Variants in CTNNA2 observed in about 807,000 individuals in gnomAD.
CTNNA2 encodes the protein catenin alpha 2, also known as catenin alpha-2.
CTNNA2 carries 42 observed loss-of-function variants against 101.0 expected under a neutral mutation model. The ratio of observed to expected loss-of-function variants is 0.42; its 90% CI spans 0.32 to 0.54. CTNNA2 has a LOEUF of 0.54. Ranked by LOEUF, CTNNA2 falls within the 20% of genes least tolerant of loss-of-function variation. The pLI, the probability that CTNNA2 is intolerant of heterozygous loss-of-function variation, is 0.14. For synonymous variants in CTNNA2, 450 were observed against 456.4 expected (o/e 0.99, Z 0.18); for missense variants, 871 against 1,223.1 (o/e 0.71, Z 4.29).
chr2:79,398,343 A>T (rs943757656), intron 4 of CTNNA2, among the ~76,000 whole-genome samples: 5 of 152,130 alleles, frequency 3.3e-5, no homozygotes, highest in African/African-American at 9.7e-5. Context: ...CCTACCATAT[A>T]AAGCATGATT....
intron 2 of CTNNA2, among the ~76,000 whole-genome samples, chr2:79,706,975 T>G (rs1218187619): frequency 6.6e-6 from 1 of 152,184 alleles, no homozygotes; most frequent in Non-Finnish European, 1.5e-5. Flanking sequence ...CAAAGGAAAT[T>G]TGGTGCAAAT....
chr2:80,416,033 A>G (rs1020782212), intron 8 of CTNNA2, among the ~76,000 whole-genome samples: 2 of 152,104 alleles, frequency 1.3e-5, no homozygotes, highest in African/African-American at 2.4e-5. Flanking sequence ...AAAGTAAGCC[A>G]GTGGTTGCTA....
At chr2:80,367,086 G>C (rs145624660) in intron 7 of CTNNA2, among the ~76,000 whole-genome samples, 22 of 152,052 alleles carry the variant, frequency 1.4e-4, no homozygotes, top group African/African-American at 5.1e-4. Context: ...AGAGCAGGGG[G>C]ATGACTTTGA....
chr2:79,691,789 A>G lies in CTNNA2; in HGVS notation c.102+40131A>G, dbSNP rs111582879. On this transcript the variant is annotated intron_variant, in intron 2 of 18. Coordinates refer to ENST00000402739, the MANE Select transcript of CTNNA2 (RefSeq NM_001282597.3). ...CAATGAGAAATGGATTCCCTATTTA[A>G]TAAATGGTGTTGGGAAAACTGGCTA... Among the ~76,000 whole-genome samples the G allele has an allele frequency of 9.4e-3, 1,438 of 152,290 alleles. 16 individuals carry two copies. The highest frequency in any genetic ancestry group is 0.013 in the Non-Finnish European group (851 of 68,016).
intron 4 of CTNNA2, among the ~76,000 whole-genome samples, chr2:79,448,867 C>T (rs569211396): frequency 1.9e-4 from 29 of 152,040 alleles, no homozygotes; most frequent in African/African-American, 6.5e-4. Flanking sequence ...GACTTGTCTA[C>T]GTTTTGAAAA....
At chr2:79,636,269 C>CAAAAAAAAAA (rs57739991) in intron 1 of CTNNA2, among the ~76,000 whole-genome samples, 2 of 67,260 alleles carry the variant, frequency 3.0e-5, no homozygotes, top group East Asian at 3.3e-4. Context: ...GACTCTGTCT[C>CAAAAAAAAAA]AAAAAAAAAA....
At chr2:80,547,984 G>T (rs534993594) in intron 11 of CTNNA2, among the ~76,000 whole-genome samples, 3 of 152,084 alleles carry the variant, frequency 2.0e-5, no homozygotes, top group African/African-American at 7.2e-5. Flanking sequence ...GAGCCATCGC[G>T]CCCAGCCCAT....
chr2:79,459,615 C>G (rs1670857492), intron 4 of CTNNA2, among the ~76,000 whole-genome samples: 1 of 152,164 alleles, frequency 6.6e-6, no homozygotes, highest in Admixed American at 6.5e-5. Flanking sequence ...AATCAGCAAT[C>G]AGAATGGCAA....
chr2:79,762,822 C>T (rs1408791054), intron 3 of CTNNA2, among the ~76,000 whole-genome samples: 1 of 152,120 alleles, frequency 6.6e-6, no homozygotes, highest in East Asian at 1.9e-4. Context: ...AAATTTAGTT[C>T]TGTAAAGTTC....
chr2:80,300,770 T>G (rs141621477), intron 7 of CTNNA2, among the ~76,000 whole-genome samples: 22 of 152,230 alleles, frequency 1.4e-4, no homozygotes, highest in African/African-American at 5.1e-4. Flanking sequence ...TTGCTTAAAT[T>G]GTCATCTGAT....
At chr2:80,535,025 T>G (rs952772211) in intron 9 of CTNNA2, among the ~76,000 whole-genome samples, 2 of 152,164 alleles carry the variant, frequency 1.3e-5, no homozygotes, top group African/African-American at 4.8e-5. Flanking sequence ...TATAAAATAT[T>G]TGGGATCTAA....
chr2:80,009,430 A>G (rs1693608819), intron 7 of CTNNA2, among the ~76,000 whole-genome samples: 1 of 152,176 alleles, frequency 6.6e-6, no homozygotes, highest in African/African-American at 2.4e-5. Flanking sequence ...CATTGGGAAG[A>G]TTTGATGTTC....
rs575200478 is a variant in CTNNA2, at chr2:80,272,199, G to A, written c.1057-121012G>A. Among the ~76,000 whole-genome samples the A allele has an allele frequency of 2.0e-4, 31 of 152,122 alleles. 1 individual carries two copies. The South Asian group carries it at 6.0e-3, about 29-fold the overall frequency. ...ACATAAATAACAGTTCACTAAATTC[G>A]TTTAAAGAAATCCATTGATTCTAGT... On this transcript the variant is annotated intron_variant, in intron 7 of 18. Transcript: ENST00000402739.
chr2:79,645,498 A>G (rs1680756343), intron 1 of CTNNA2, among the ~76,000 whole-genome samples: 1 of 152,230 alleles, frequency 6.6e-6, no homozygotes, highest in Non-Finnish European at 1.5e-5. Context: ...AATGCAAAAA[A>G]GGCAGAGAAA....
At chr2:79,786,133 A>G (rs1276476480) in intron 3 of CTNNA2, among the ~76,000 whole-genome samples, 1 of 150,940 alleles carries the variant, frequency 6.6e-6, no homozygotes, top group Admixed American at 6.6e-5. Context: ...AAACACTAAC[A>G]AGTGCTTCAG....
chr2:80,112,694 C>A (rs555370222), intron 7 of CTNNA2, among the ~76,000 whole-genome samples: 43 of 152,288 alleles, frequency 2.8e-4, no homozygotes, highest in Non-Finnish European at 5.9e-4. Context: ...GTATCCCCAG[C>A]AAAATTTTCA....
At chr2:80,565,528 T>G (rs1321346700) in intron 12 of CTNNA2, among the ~76,000 whole-genome samples, 1 of 151,974 alleles carries the variant, frequency 6.6e-6, no homozygotes, top group Non-Finnish European at 1.5e-5. Flanking sequence ...ACCTTTTTTT[T>G]TTTTCCATGG....
upstream of CTNNA2, among the ~76,000 whole-genome samples, chr2:79,509,834 G>A (rs139930942): frequency 3.3e-4 from 50 of 152,248 alleles, no homozygotes; most frequent in South Asian, 1.5e-3. Flanking sequence ...ACAGGGAGTC[G>A]TGCCCTTGTG....
chr2:79,482,551 A>T (rs551009837), intron 4 of CTNNA2, among the ~76,000 whole-genome samples: 5 of 151,038 alleles, frequency 3.3e-5, no homozygotes, highest in South Asian at 4.2e-4. Context: ...CTCAGGTTAA[A>T]TTTTTTTTTT....
Sources: gnomAD v4.1 joint callset for allele counts (sites outside exome capture counted in the v4.1 genomes callset) on GRCh38, gnomAD v4.1.1 for gene constraint, MANE v1.5 for transcripts, NCBI Gene and HGNC (gene_info 2026-07-23, HGNC 2026-07-21) for gene names.